FGF13: variants seen among roughly 807,000 people sequenced by gnomAD.
FGF13 encodes the protein fibroblast growth factor homologous factor 2.
Under a neutral mutation model 19.5 loss-of-function variants are expected in FGF13, and 2 were observed. The observed-to-expected ratio is 0.10, with a 90% confidence interval of 0.04 to 0.32. The LOEUF is 0.32. Among genes scored for constraint, FGF13 ranks in the 10% least tolerant of loss-of-function variants. The probability of loss-of-function intolerance (pLI) is 1.00; values close to 1 mark genes in which losing one functional copy is unlikely to be tolerated. For synonymous variants in FGF13, 72 were observed against 76.9 expected, an observed-to-expected ratio of 0.94 and a Z score of 0.33; for missense variants, 113 against 192.7, an observed-to-expected ratio of 0.59 and a Z score of 2.45.
intron 3 of FGF13, among the ~76,000 whole-genome samples, chrX:138,647,783 C>A (rs1034846254): frequency 8.9e-6 from 1 of 111,885 alleles, no homozygotes; most frequent in Non-Finnish European, 1.9e-5. Flanking sequence ...ATAATATAAA[C>A]CATGAGAATA....
chrX:138,756,526 T>C (rs2090432603), intron 3 of FGF13, among the ~76,000 whole-genome samples: 1 of 112,641 alleles, frequency 8.9e-6, no homozygotes, highest in Non-Finnish European at 1.9e-5. Context: ...CCATAGCAAT[T>C]TGTGGCCAGG....
chrX:138,682,355 T>G, intron 3 of FGF13, among the ~76,000 whole-genome samples: 1 of 112,466 alleles, frequency 8.9e-6, no homozygotes, highest in East Asian at 2.8e-4. Flanking sequence ...GTTGTGCCAT[T>G]CAGGTGAGCT....
At chrX:139,116,086 C>T (rs1451049982) in intron 1 of FGF13, among the ~76,000 whole-genome samples, 1 of 112,027 alleles carries the variant, frequency 8.9e-6, no homozygotes, top group African/African-American at 3.2e-5. Flanking sequence ...AGACTCTATG[C>T]AGGAGACTAA....
intron 1 of FGF13, among the ~76,000 whole-genome samples, chrX:139,132,785 AAACT>A (rs2083770500): frequency 8.9e-6 from 1 of 112,488 alleles, no homozygotes; most frequent in African/African-American, 3.2e-5. Context: ...CAGACTAAAC[AAACT>A]ATTTTAATGT....
intron 1 of FGF13, among the ~76,000 whole-genome samples, chrX:138,721,052 G>A (rs187349387): frequency 1.7e-4 from 19 of 111,892 alleles, no homozygotes; most frequent in Non-Finnish European, 1.3e-4. Flanking sequence ...GTATACAGTT[G>A]TTACTGATTT....
intron 1 of FGF13, among the ~76,000 whole-genome samples, chrX:139,011,373 A>T (rs1329835174): frequency 1.8e-5 from 2 of 109,716 alleles, no homozygotes; most frequent in Non-Finnish European, 3.8e-5. Context: ...AAAAAAAAAA[A>T]AAAAAAAGAA....
At chrX:139,110,241 T>G (rs2083590935) in intron 1 of FGF13, among the ~76,000 whole-genome samples, 1 of 110,592 alleles carries the variant, frequency 9.0e-6, no homozygotes, top group African/African-American at 3.3e-5. Context: ...GTATATAAAA[T>G]GTATATATAT....
At chrX:138,925,228 C>G (rs1303494054) in intron 1 of FGF13, among the ~76,000 whole-genome samples, 2 of 111,500 alleles carry the variant, frequency 1.8e-5, no homozygotes, top group Non-Finnish European at 3.8e-5. Context: ...TTTTGGGACA[C>G]TTGAAACTCT....
At chrX:138,778,449 T>G (rs2090607870) in intron 3 of FGF13, among the ~76,000 whole-genome samples, 1 of 111,625 alleles carries the variant, frequency 9.0e-6, no homozygotes, top group African/African-American at 3.3e-5. Flanking sequence ...TGCAGGACAG[T>G]GGGTGCAGCA....
intron 3 of FGF13, among the ~76,000 whole-genome samples, chrX:138,797,517 C>T (rs1273227599): frequency 9.0e-6 from 1 of 111,077 alleles, no homozygotes; most frequent in African/African-American, 3.3e-5. Flanking sequence ...GTTCTTTCTG[C>T]TTAGGATTGT....
intron 1 of FGF13, among the ~76,000 whole-genome samples, chrX:138,932,703 AGTGTGTGTGTGTGTGTGTGT>A (rs57793547): frequency 1.1e-5 from 1 of 90,288 alleles, no homozygotes; most frequent in Non-Finnish European, 2.2e-5. Flanking sequence ...TCAGGAGTGT[AGTGTGTGTGTGTGTGTGTGT>A]GTGTGTGTGT....
At chrX:139,022,704 A>C (rs1360862592) in intron 1 of FGF13, among the ~76,000 whole-genome samples, 2 of 111,121 alleles carry the variant, frequency 1.8e-5, no homozygotes, top group African/African-American at 3.3e-5. Context: ...TTTATCAGGG[A>C]GACCAATTCC....
chrX:138,857,343 T>C (rs1224035587), downstream of FGF13, among the ~76,000 whole-genome samples: 1 of 111,313 alleles, frequency 9.0e-6, no homozygotes, highest in Non-Finnish European at 1.9e-5. Flanking sequence ...TTATACAGCG[T>C]CCCATCTGAG....
chrX:138,823,284 G>A (rs182149646), intron 3 of FGF13, among the ~76,000 whole-genome samples: 6 of 111,292 alleles, frequency 5.4e-5, no homozygotes, highest in Admixed American at 2.9e-4. Flanking sequence ...ACTCCAGCCC[G>A]CCTGCGCACT....
At chrX:139,090,254 T>C (rs2083430987) in intron 1 of FGF13, among the ~76,000 whole-genome samples, 1 of 111,345 alleles carries the variant, frequency 9.0e-6, no homozygotes, top group African/African-American at 3.3e-5. Flanking sequence ...TTCCCATAGA[T>C]CAAGAACCTG....
At chrX:138,853,272 GA>G (rs1302940337), downstream of FGF13, among the ~76,000 whole-genome samples, 5 of 111,659 alleles carry the variant, frequency 4.5e-5, no homozygotes, top group Non-Finnish European at 9.4e-5. Flanking sequence ...CAACAATGTT[GA>G]AAAAACATGA....
intron 3 of FGF13, among the ~76,000 whole-genome samples, chrX:138,643,878 A>G (rs888671639): frequency 9.0e-6 from 1 of 111,641 alleles, no homozygotes; most frequent in African/African-American, 3.3e-5. Context: ...ATTTCTAAAA[A>G]CAAACCTTCT....
At chrX:138,704,908 T>A (rs1428046478) in intron 2 of FGF13, among the ~76,000 whole-genome samples, 1 of 112,667 alleles carries the variant, frequency 8.9e-6, no homozygotes, top group Non-Finnish European at 1.9e-5. Flanking sequence ...GTTTGTCATA[T>A]CCCTTTCTGT....
chrX:139,111,699 C>T (rs2083603232), intron 1 of FGF13, among the ~76,000 whole-genome samples: 1 of 111,789 alleles, frequency 8.9e-6, no homozygotes. Context: ...TGCTGCTTCT[C>T]ATAAACGGGG....
Sources: allele counts gnomAD v4.1 joint callset (sites outside exome capture counted in the v4.1 genomes callset), GRCh38; gene constraint gnomAD v4.1.1; transcripts MANE v1.5; gene names NCBI Gene and HGNC (gene_info 2026-07-23, HGNC 2026-07-21).